AK5: variants seen among roughly 807,000 people sequenced by gnomAD.
AK5 encodes the protein adenylate kinase 5, also known as adenylate kinase isoenzyme 5.
A neutral mutation model predicts 69.5 loss-of-function variants in AK5; 27 were observed. The observed-to-expected ratio is 0.39, with a 90% CI of 0.29 to 0.54. The LOEUF is 0.54. Among genes scored for constraint, AK5 ranks in the 20% least tolerant of loss-of-function variants. The pLI, the probability that AK5 is intolerant of heterozygous loss-of-function variation, is 0.71. For synonymous variants in AK5, 260 were observed against 244.4 expected (o/e 1.06, Z -0.60); for missense variants, 531 against 700.4 (o/e 0.76, Z 2.73).
intron 8 of AK5, among the ~76,000 whole-genome samples, chr1:77,455,965 A>G (rs1356392673): frequency 6.6e-6 from 1 of 152,202 alleles, no homozygotes; most frequent in African/African-American, 2.4e-5. Flanking sequence ...CCAAAATGTA[A>G]GAAAGTATGA....
At chr1:77,389,731 A>G (rs1245325143) in intron 6 of AK5, among the ~76,000 whole-genome samples, 4 of 152,136 alleles carry the variant, frequency 2.6e-5, no homozygotes, top group South Asian at 2.1e-4. Flanking sequence ...GGACGCTGAG[A>G]CAGACAGATT....
At chr1:77,376,041 A>G (rs183565212) in intron 6 of AK5, among the ~76,000 whole-genome samples, 1 of 152,350 alleles carries the variant, frequency 6.6e-6, no homozygotes, top group Admixed American at 6.5e-5. Context: ...GCTAATGCTG[A>G]TATTTTTAAA....
intron 10 of AK5, 21 bp from the exon 11 acceptor site, chr1:77,518,543 G>T: frequency 6.2e-7 from 1 of 1,611,818 alleles, no homozygotes; most frequent in Non-Finnish European, 8.5e-7. Context: ...ATGCATGTCT[G>T]ACACATGACT....
chr1:77,531,993 G>GCCGGCCGC (rs1553161464), intron 12 of AK5: 1 of 126,006 alleles, frequency 7.9e-6, no homozygotes, highest in Non-Finnish European at 1.9e-5. Flanking sequence ...CGGCCATCCG[G>GCCGGCCGC]CCGGCCGGCC....
intron 8 of AK5, among the ~76,000 whole-genome samples, chr1:77,441,368 A>G (rs1374684079): frequency 2.0e-5 from 3 of 151,930 alleles, no homozygotes; most frequent in Non-Finnish European, 4.4e-5. Flanking sequence ...ATGCTCTTTT[A>G]TGTTTTATGT....
intron 2 of AK5, among the ~76,000 whole-genome samples, chr1:77,291,406 T>C (rs1658677773): frequency 6.6e-6 from 1 of 152,156 alleles, no homozygotes; most frequent in African/African-American, 2.4e-5. Flanking sequence ...TTTCTGCTCT[T>C]AGTCTTTCCC....
intron 13 of AK5, among the ~76,000 whole-genome samples, chr1:77,538,357 CAACAAA>C (rs1475601380): frequency 7.2e-6 from 1 of 139,330 alleles, no homozygotes; most frequent in Admixed American, 7.1e-5. Context: ...ACAACAACAA[CAACAAA>C]AAAAAAAAAC....
intron 6 of AK5, among the ~76,000 whole-genome samples, chr1:77,399,993 T>G (rs1176172402): frequency 2.6e-5 from 4 of 152,234 alleles, no homozygotes; most frequent in Non-Finnish European, 4.4e-5. Flanking sequence ...TCTGATTTCC[T>G]GGCCAGTCTG....
intron 5 of AK5, among the ~76,000 whole-genome samples, chr1:77,331,585 G>A (rs964316723): frequency 3.9e-5 from 6 of 152,086 alleles, no homozygotes; most frequent in African/African-American, 1.2e-4. Context: ...GTCATGATAT[G>A]TATAATCCTT....
intron 13 of AK5, among the ~76,000 whole-genome samples, chr1:77,542,125 G>C (rs1659310177): frequency 6.6e-6 from 1 of 152,054 alleles, no homozygotes; most frequent in Admixed American, 6.6e-5. Context: ...TCGGCAGTTC[G>C]AGACCAGCCT....
intron 6 of AK5, among the ~76,000 whole-genome samples, chr1:77,379,058 G>C (rs1647442427): frequency 6.6e-6 from 1 of 152,114 alleles, no homozygotes. Flanking sequence ...TGCTCCCCAG[G>C]CCCACAGTTT....
intron 8 of AK5, among the ~76,000 whole-genome samples, chr1:77,481,826 T>C (rs1467763340): frequency 6.6e-6 from 1 of 152,204 alleles, no homozygotes; most frequent in Admixed American, 6.5e-5. Flanking sequence ...TGAAATGATA[T>C]TTATGCCAAT....
intron 6 of AK5, among the ~76,000 whole-genome samples, chr1:77,410,493 T>C (rs1557570826): frequency 2.0e-5 from 3 of 152,162 alleles, no homozygotes; most frequent in Non-Finnish European, 4.4e-5. Context: ...TTGGCCAGGC[T>C]GGTCTCAAAC....
intron 8 of AK5, among the ~76,000 whole-genome samples, chr1:77,472,878 A>C (rs1654609521): frequency 6.6e-6 from 1 of 151,296 alleles, no homozygotes; most frequent in South Asian, 2.1e-4. Flanking sequence ...GGCTCCTTCC[A>C]TCAGTGGCAT....
At chr1:77,383,516 C>T (rs942699003) in intron 6 of AK5, among the ~76,000 whole-genome samples, 2 of 151,872 alleles carry the variant, frequency 1.3e-5, no homozygotes, top group African/African-American at 4.8e-5. Flanking sequence ...TGCCATTCCC[C>T]GTATCAAAAA....
intron 13 of AK5, among the ~76,000 whole-genome samples, chr1:77,544,654 C>A (rs902943011): frequency 3.9e-5 from 6 of 151,994 alleles, no homozygotes; most frequent in African/African-American, 1.5e-4. Context: ...ACCTCCGTAT[C>A]TTGCCCACTG....
chr1:77,283,610 A>C, intron 1 of AK5: 1 of 985,478 alleles, frequency 1.0e-6, no homozygotes. Context: ...CAAGATTTCC[A>C]GGTAAACCAC....
intron 13 of AK5, among the ~76,000 whole-genome samples, chr1:77,547,421 G>A (rs1659599089): frequency 6.6e-6 from 1 of 151,942 alleles, no homozygotes; most frequent in African/African-American, 2.4e-5. Context: ...GTACAGGTGT[G>A]TGCCACCATG....
intron 6 of AK5, among the ~76,000 whole-genome samples, chr1:77,364,074 CA>C (rs1234052868): frequency 6.6e-6 from 1 of 151,416 alleles, no homozygotes; most frequent in African/African-American, 2.4e-5. Flanking sequence ...TTTACAAGAG[CA>C]AAAAAAGGAA....
Sources: allele counts gnomAD v4.1 joint callset (sites outside exome capture counted in the v4.1 genomes callset), GRCh38; gene constraint gnomAD v4.1.1; transcripts MANE v1.5; gene names NCBI Gene and HGNC (gene_info 2026-07-23, HGNC 2026-07-21).